CACNA2D3: variants seen among roughly 807,000 people sequenced by gnomAD.
The protein encoded by CACNA2D3 is calcium voltage-gated channel auxiliary subunit alpha2delta 3.
Under a neutral mutation model 160.6 loss-of-function variants are expected in CACNA2D3, and 60 were observed. The observed-to-expected ratio is 0.37, with a 90% CI of 0.30 to 0.46. CACNA2D3 has a LOEUF of 0.46. Among genes scored for constraint, CACNA2D3 ranks in the 20% least tolerant of loss-of-function variants. The probability of loss-of-function intolerance (pLI) is 1.00; values close to 1 mark genes in which losing one functional copy is unlikely to be tolerated. For missense variants in CACNA2D3, 1,205 were observed against 1,365.0 expected (o/e 0.88, Z 1.85); for synonymous variants, 558 against 492.9 (o/e 1.13, Z -1.75).
At chr3:54,456,234 A>T (rs1405409163) in intron 4 of CACNA2D3, among the ~76,000 whole-genome samples, 1 of 151,772 alleles carries the variant, frequency 6.6e-6, no homozygotes, top group Non-Finnish European at 1.5e-5. Flanking sequence ...GATTTCTTTC[A>T]TCAGTGTTCA....
intron 9 of CACNA2D3, among the ~76,000 whole-genome samples, chr3:54,584,768 C>T (rs1484783469): frequency 6.6e-6 from 1 of 152,068 alleles, no homozygotes; most frequent in Non-Finnish European, 1.5e-5. Flanking sequence ...AATCTAGAAA[C>T]AGCCAGAGAG....
chr3:54,357,275 A>C (rs999276980), intron 3 of CACNA2D3, among the ~76,000 whole-genome samples: 1 of 152,208 alleles, frequency 6.6e-6, no homozygotes, highest in African/African-American at 2.4e-5. Flanking sequence ...CAAACTTAGA[A>C]TAAACAAGTC....
At chr3:54,923,005 ACCAC>A (rs1227510459) in intron 27 of CACNA2D3, among the ~76,000 whole-genome samples, 1 of 152,098 alleles carries the variant, frequency 6.6e-6, no homozygotes, top group Non-Finnish European at 1.5e-5. Context: ...ATCATGTCTC[ACCAC>A]CCTGGTTTGG....
chr3:54,379,209 A>G (rs2106640233), intron 3 of CACNA2D3, among the ~76,000 whole-genome samples: 1 of 152,278 alleles, frequency 6.6e-6, no homozygotes, highest in Non-Finnish European at 1.5e-5. Flanking sequence ...CCACTTTGAA[A>G]TGTTTGCCAT....
chr3:54,394,642 C>G (rs1404137093), intron 4 of CACNA2D3, among the ~76,000 whole-genome samples: 1 of 118,544 alleles, frequency 8.4e-6, no homozygotes, highest in Non-Finnish European at 1.7e-5. Flanking sequence ...AGGACATGAA[C>G]TCATCATTTT....
chr3:54,523,895 G>A (rs180903728), intron 5 of CACNA2D3, among the ~76,000 whole-genome samples: 113 of 151,386 alleles, frequency 7.5e-4, no homozygotes, highest in African/African-American at 2.5e-3. Flanking sequence ...TTTCTTTTTC[G>A]TGTTTAATCT....
At chr3:54,254,279 G>T (rs1267345782) in intron 2 of CACNA2D3, among the ~76,000 whole-genome samples, 4 of 152,114 alleles carry the variant, frequency 2.6e-5, no homozygotes, top group African/African-American at 9.7e-5. Context: ...TCCAGATAGG[G>T]TACTGAAGAT....
chr3:54,313,112 A>G (rs1703777644), intron 2 of CACNA2D3, among the ~76,000 whole-genome samples: 1 of 152,208 alleles, frequency 6.6e-6, no homozygotes, highest in South Asian at 2.1e-4. Context: ...GGGCTTTGAC[A>G]GATGTCCTCC....
chr3:54,688,791 AG>A (rs1700514648), intron 11 of CACNA2D3, among the ~76,000 whole-genome samples: 1 of 151,514 alleles, frequency 6.6e-6, no homozygotes, highest in South Asian at 2.1e-4. Context: ...TCTCAAGGTC[AG>A]GGGTTCAAGA....
At chr3:54,666,291 A>G (rs1467704440) in intron 11 of CACNA2D3, among the ~76,000 whole-genome samples, 1 of 152,244 alleles carries the variant, frequency 6.6e-6, no homozygotes, top group Non-Finnish European at 1.5e-5. Context: ...AGATAGTCAT[A>G]TTCTAACAGC....
chr3:54,853,516 A>G (rs991257940), intron 17 of CACNA2D3, among the ~76,000 whole-genome samples: 1 of 152,080 alleles, frequency 6.6e-6, no homozygotes, highest in Non-Finnish European at 1.5e-5. Flanking sequence ...ATCCCTCCCT[A>G]TCCCCTCCTG....
intron 4 of CACNA2D3, among the ~76,000 whole-genome samples, chr3:54,422,397 T>G (rs938776121): frequency 6.6e-6 from 1 of 152,144 alleles, no homozygotes; most frequent in East Asian, 1.9e-4. Flanking sequence ...TTGAAATGTT[T>G]AAGAAAATGT....
chr3:54,890,730 A>G lies in CACNA2D3; in HGVS notation c.2151-625A>G, dbSNP rs114647876. ...CCTATGTGTAGCCTCCTACAGAGCT[A>G]TTGGAAGAAGCCATTTCTTTACACA... On this transcript the variant is annotated intron_variant, in intron 24 of 37. Coordinates refer to ENST00000474759, the MANE Select transcript of CACNA2D3 (RefSeq NM_018398.3). 7.0e-4 allele frequency among the ~76,000 whole-genome samples: 106 copies of G among 152,282 alleles called. 1 individual carries two copies. Among genetic ancestry groups the G allele is most frequent in the African/African-American group, 2.3e-3 (96 of 41,572 alleles).
chr3:55,074,493 C>T lies in CACNA2D3; in HGVS notation c.*287C>T. The stretch of plus-strand genomic sequence containing the variant: ...CAAGTGGTAGGCAGTGTCCCTTCTG[C>T]TTGAAACCTATTGAAACCAATTTAA... On this transcript the variant is annotated 3_prime_UTR_variant, in exon 38 of 38. Coordinates refer to ENST00000474759, the MANE Select transcript of CACNA2D3 (RefSeq NM_018398.3). 2.6e-6 allele frequency: 1 copy of T among 387,800 alleles called. No homozygotes were observed. Among genetic ancestry groups the T allele is most frequent in the Non-Finnish European group, 4.7e-6 (1 of 213,548 alleles). 24.0% of individuals were successfully genotyped at this position (387,800 alleles called of 1,614,324 possible).
chr3:54,654,969 A>G (rs1485312885), intron 11 of CACNA2D3, among the ~76,000 whole-genome samples: 1 of 152,146 alleles, frequency 6.6e-6, no homozygotes, highest in African/African-American at 2.4e-5. Context: ...CTAGCCAGGA[A>G]TAGCTGACAA....
intron 2 of CACNA2D3, among the ~76,000 whole-genome samples, chr3:54,143,762 G>A (rs1047953673): frequency 7.2e-4 from 110 of 152,138 alleles, no homozygotes; most frequent in Non-Finnish European, 1.3e-3. Flanking sequence ...GCCTCCCAAA[G>A]TGCTGGAATT....
At chr3:54,353,745 A>G (rs1336962176) in intron 3 of CACNA2D3, among the ~76,000 whole-genome samples, 1 of 152,128 alleles carries the variant, frequency 6.6e-6, no homozygotes, top group East Asian at 1.9e-4. Flanking sequence ...ATGAAATGCC[A>G]GAGAAATTAG....
At chr3:54,469,966 G>C (rs1216983921) in intron 4 of CACNA2D3, among the ~76,000 whole-genome samples, 1 of 152,202 alleles carries the variant, frequency 6.6e-6, no homozygotes, top group Non-Finnish European at 1.5e-5. Flanking sequence ...TGATGTACCT[G>C]AAAGTGATGG....
At chr3:54,333,474 CT>C (rs1325841333) in intron 3 of CACNA2D3, among the ~76,000 whole-genome samples, 1 of 151,972 alleles carries the variant, frequency 6.6e-6, no homozygotes, top group African/African-American at 2.4e-5. Context: ...CCTGCCCACC[CT>C]TAGAAAGTAT....
Sources: gnomAD v4.1 joint callset for allele counts (sites outside exome capture counted in the v4.1 genomes callset) on GRCh38, gnomAD v4.1.1 for gene constraint, MANE v1.5 for transcripts, NCBI Gene and HGNC (gene_info 2026-07-23, HGNC 2026-07-21) for gene names.